Variants in HSH2D observed in about 807,000 individuals in gnomAD.
The protein encoded by HSH2D is hematopoietic SH2 domain-containing protein.
Under a neutral mutation model 21.5 loss-of-function variants are expected in HSH2D, and 16 were observed. The ratio of observed to expected loss-of-function variants is 0.74; its 90% confidence interval spans 0.50 to 1.13. HSH2D has a LOEUF of 1.13. Ranked by LOEUF, HSH2D falls within the 50% of genes most tolerant of loss-of-function variation. HSH2D has a pLI of 0.00. For synonymous variants in HSH2D, 172 were observed against 184.7 expected, an observed-to-expected ratio of 0.93 and a Z score of 0.56; for missense variants, 418 against 441.4, an observed-to-expected ratio of 0.95 and a Z score of 0.47.
At chr19:16,136,843 A>G (rs142781448) in intron 1 of HSH2D, among the ~76,000 whole-genome samples, 43 of 152,344 alleles carry the variant, frequency 2.8e-4, no homozygotes, top group African/African-American at 1.0e-3. Flanking sequence ...CCCTATGCAA[A>G]TATAACACCT....
At chr19:16,154,534 G>A (rs1221355469) in intron 5 of HSH2D, 43 bp downstream of exon 5, 2 of 1,281,650 alleles carry the variant, frequency 1.6e-6, no homozygotes, top group Non-Finnish European at 2.2e-6. Context: ...CCTGGCTGAG[G>A]GGCAGGAGTG....
Position 16,148,739 on chromosome 19 carries a change from C to A in HSH2D, c.-12C>A, listed in dbSNP as rs777356766. 1.2e-6 allele frequency: 2 copies of A among 1,613,866 alleles called. No individual in the cohort carries two copies. The highest frequency in any genetic ancestry group is 1.7e-6 in the Non-Finnish European group (2 of 1,179,890). On this transcript the variant is annotated 5_prime_UTR_variant, in exon 2 of 6. Coordinates refer to ENST00000613986, the MANE Select transcript of HSH2D (RefSeq NM_001382417.1). Reference sequence around the variant, plus strand: ...CTCTACCCAGGTGACCTTCCCTCCACCCCAGGAAGCTATGACAGAGGCCGG... The same window carrying A: ...CTCTACCCAGGTGACCTTCCCTCCAACCCAGGAAGCTATGACAGAGGCCGG...
Position 16,157,278 on chromosome 19 carries a change from A to T in HSH2D, c.543A>T (p.Ile181=). The stretch of plus-strand genomic sequence containing the variant: ...AGCCGTCAGCAGAGATGAACAGAAT[A>T]ACCACCAAGGAAGCCACTTCCTCCT... ...ERKPSAEMNR[I]TTKEATSSCP... is the part of the protein sequence containing the mutation. The change falls in exon 6 of 6, where the codon ATA becomes ATT. Residue 181 remains isoleucine, a synonymous_variant. Coordinates refer to ENST00000613986, the MANE Select transcript of HSH2D (RefSeq NM_001382417.1). This position sits in a 1 kb window ranked among gnomAD's most constrained non-coding sequence, Gnocchi z 4.4. The T allele has an allele frequency of 1.2e-6, 2 of 1,608,516 alleles. No homozygotes were observed. Among genetic ancestry groups the T allele is most frequent in the Non-Finnish European group, 1.7e-6 (2 of 1,177,846 alleles).
rs748022180 is a variant in HSH2D, at chr19:16,157,041, G to T, written c.475-169G>T. On this transcript the variant is annotated intron_variant, in intron 5 of 5. Transcript: ENST00000613986. This position sits in a 1 kb window ranked among gnomAD's most constrained non-coding sequence, Gnocchi z 4.4. ...GCCAACCCCTGGGGGAGACAGTGAA[G>T]CCATTTACTGAGACGAGAAAGATGG... Among the ~76,000 whole-genome samples the T allele has an allele frequency of 1.3e-5, 2 of 152,022 alleles. No homozygotes were observed. Among genetic ancestry groups the T allele is most frequent in the Non-Finnish European group, 2.9e-5 (2 of 68,002 alleles).
At chr19:16,136,929 T>C (rs147408016) in intron 1 of HSH2D, among the ~76,000 whole-genome samples, 43 of 152,238 alleles carry the variant, frequency 2.8e-4, no homozygotes, top group African/African-American at 1.0e-3. Flanking sequence ...TCCCCTGCAT[T>C]TCACTGTGCA....
At chr19:16,154,102 C>A (rs889545625) in intron 4 of HSH2D, among the ~76,000 whole-genome samples, 2 of 142,584 alleles carry the variant, frequency 1.4e-5, no homozygotes, top group Non-Finnish European at 3.1e-5. Context: ...CCTGACCTAG[C>A]GCCCAAGAAA....
chr19:16,157,196 A>G lies in HSH2D; in HGVS notation c.475-14A>G. ...GGGCAAGCTGCCCCAGGCCTCCCCT[A>G]CTCTCATTTTCAGGCCTCCCCAAAG... is the stretch of plus-strand genomic sequence containing the variant. On this transcript the variant is annotated splice_polypyrimidine_tract_variant and intron_variant, in intron 5 of 5. Transcript: ENST00000613986. This position sits in a 1 kb window ranked among gnomAD's most constrained non-coding sequence, Gnocchi z 4.4. The G allele has an allele frequency of 6.6e-7, 1 of 1,517,136 alleles. No homozygotes were observed. The allele number at this position is 1,517,136 out of a possible 1,614,324, so 94.0% of individuals were successfully genotyped here.
Sources: gnomAD v4.1 joint callset for allele counts (sites outside exome capture counted in the v4.1 genomes callset) on GRCh38, gnomAD v4.1.1 for gene constraint, Gnocchi (gnomAD v3.1) non-coding constraint, MANE v1.5 for transcripts, NCBI Gene and HGNC (gene_info 2026-07-23, HGNC 2026-07-21) for gene names.